SEMA3D: variants seen among roughly 807,000 people sequenced by gnomAD.
SEMA3D encodes semaphorin-3D.
Under a neutral mutation model 100.1 loss-of-function variants are expected in SEMA3D, and 84 were observed. The ratio of observed to expected loss-of-function variants is 0.84; its 90% CI spans 0.70 to 1.01. The LOEUF (loss-of-function observed/expected upper bound fraction) is 1.01. Ranked by LOEUF, SEMA3D falls within the 50% of genes least tolerant of loss-of-function variation. The pLI, the probability that SEMA3D is intolerant of heterozygous loss-of-function variation, is 0.00. For missense variants in SEMA3D, 875 were observed against 934.1 expected (o/e 0.94, Z 0.82); for synonymous variants, 312 against 320.7 (o/e 0.97, Z 0.29).
intron 1 of SEMA3D, among the ~76,000 whole-genome samples, chr7:85,168,659 C>A (rs1790980941): frequency 6.8e-6 from 1 of 146,316 alleles, no homozygotes; most frequent in African/African-American, 2.5e-5. Flanking sequence ...TACTTTTGCA[C>A]CAACCTAAGA....
chr7:85,021,186 G>A (rs1360321019), intron 13 of SEMA3D, among the ~76,000 whole-genome samples: 2 of 151,504 alleles, frequency 1.3e-5, no homozygotes, highest in Non-Finnish European at 3.0e-5. Flanking sequence ...AATAACTCTG[G>A]GATCTTTAAA....
chr7:85,203,055 A>AG, the SEMA3D span, among the ~76,000 whole-genome samples: 1 of 152,234 alleles, frequency 6.6e-6, no homozygotes, highest in Non-Finnish European at 1.5e-5. Flanking sequence ...CCTGCAAAGC[A>AG]GGTTGGAAGT....
intron 4 of SEMA3D, among the ~76,000 whole-genome samples, chr7:85,087,203 A>C (rs1788244683): frequency 6.6e-6 from 1 of 152,180 alleles, no homozygotes; most frequent in African/African-American, 2.4e-5. Flanking sequence ...TTTTTCCTTC[A>C]CTTATCAAAG....
At chr7:85,236,117 G>A in the SEMA3D span, among the ~76,000 whole-genome samples, 1 of 151,796 alleles carries the variant, frequency 6.6e-6, no homozygotes, top group Admixed American at 6.6e-5. Flanking sequence ...CCCTCTAACT[G>A]GCTTTCAGAT....
At chr7:85,163,519 C>T (rs1790805206) in intron 1 of SEMA3D, among the ~76,000 whole-genome samples, 1 of 151,834 alleles carries the variant, frequency 6.6e-6, no homozygotes, top group Non-Finnish European at 1.5e-5. Flanking sequence ...AAAGAATCAA[C>T]TCTCCAACAG....
chr7:85,043,268 A>T (rs1443390032), intron 9 of SEMA3D, among the ~76,000 whole-genome samples: 1 of 152,056 alleles, frequency 6.6e-6, no homozygotes, highest in African/African-American at 2.4e-5. Flanking sequence ...CTGAAGGAGG[A>T]AGATCACTTA....
intron 2 of SEMA3D, among the ~76,000 whole-genome samples, chr7:85,131,828 T>C (rs1018255678): frequency 2.0e-5 from 3 of 151,904 alleles, no homozygotes; most frequent in Non-Finnish European, 4.4e-5. Context: ...TTCCCACACC[T>C]AGTATTTAGT....
At chr7:85,135,472 A>G (rs1789833806) in intron 2 of SEMA3D, among the ~76,000 whole-genome samples, 1 of 151,768 alleles carries the variant, frequency 6.6e-6, no homozygotes, top group South Asian at 2.1e-4. Context: ...ACTTGAACAC[A>G]GGAAGGGGAA....
At chr7:85,237,660 C>T in the SEMA3D span, among the ~76,000 whole-genome samples, 1 of 152,084 alleles carries the variant, frequency 6.6e-6, no homozygotes, top group African/African-American at 2.4e-5. Context: ...CTGATGTACC[C>T]CAATTTTTTA....
chr7:85,099,321 T>G (rs906847326), intron 3 of SEMA3D, among the ~76,000 whole-genome samples: 3 of 151,940 alleles, frequency 2.0e-5, no homozygotes, highest in Non-Finnish European at 4.4e-5. Context: ...TGAGAGCTGA[T>G]GGTTTTATAA....
intron 12 of SEMA3D, among the ~76,000 whole-genome samples, chr7:85,034,329 G>A (rs1266246685): frequency 1.3e-5 from 2 of 152,136 alleles, no homozygotes; most frequent in East Asian, 1.9e-4. Flanking sequence ...GACCTAGGCC[G>A]GGCATGGTGG....
the SEMA3D span, among the ~76,000 whole-genome samples, chr7:85,235,545 G>A: frequency 4.7e-4 from 71 of 152,230 alleles, no homozygotes; most frequent in African/African-American, 1.6e-3. Context: ...CTCTGTTCAA[G>A]GGAATAATTT....
At chr7:85,031,555 C>T (rs1057210749) in intron 12 of SEMA3D, among the ~76,000 whole-genome samples, 1 of 151,892 alleles carries the variant, frequency 6.6e-6, no homozygotes, top group Non-Finnish European at 1.5e-5. Flanking sequence ...TTTGTTATCC[C>T]TTTGAAGGTA....
At chr7:85,159,844 A>G in intron 1 of SEMA3D, 1 of 984,964 alleles carries the variant, frequency 1.0e-6, no homozygotes, top group South Asian at 4.7e-5. Context: ...TCCTGCAGAT[A>G]GTAGGATTTC....
chr7:85,197,480 C>T, the SEMA3D span, among the ~76,000 whole-genome samples: 2 of 151,982 alleles, frequency 1.3e-5, no homozygotes, highest in Non-Finnish European at 2.9e-5. Context: ...CCCACCACCC[C>T]TGCTTTGAGT....
chr7:85,023,087 A>G (rs932696921), intron 12 of SEMA3D, among the ~76,000 whole-genome samples: 1 of 151,974 alleles, frequency 6.6e-6, no homozygotes, highest in Non-Finnish European at 1.5e-5. Flanking sequence ...AGTATTTAAT[A>G]GTTTGAAATT....
At chr7:85,174,529 T>A (rs970784855) in intron 1 of SEMA3D, among the ~76,000 whole-genome samples, 2 of 152,174 alleles carry the variant, frequency 1.3e-5, no homozygotes, top group African/African-American at 4.8e-5. Context: ...AAACTGCACT[T>A]ATTTTGTGCA....
intron 4 of SEMA3D, among the ~76,000 whole-genome samples, chr7:85,087,065 T>C (rs952161804): frequency 6.6e-6 from 1 of 152,238 alleles, no homozygotes; most frequent in East Asian, 1.9e-4. Flanking sequence ...TCTTACACTG[T>C]AGTGTGTCTT....
chr7:85,088,447 T>A (rs1489800661), intron 4 of SEMA3D, among the ~76,000 whole-genome samples: 7 of 152,054 alleles, frequency 4.6e-5, no homozygotes, highest in Admixed American at 2.0e-4. Context: ...AAAACCTAAT[T>A]AAAGACAAAA....
Sources: gnomAD v4.1 joint callset for allele counts (sites outside exome capture counted in the v4.1 genomes callset) on GRCh38, gnomAD v4.1.1 for gene constraint, MANE v1.5 for transcripts, NCBI Gene and HGNC (gene_info 2026-07-23, HGNC 2026-07-21) for gene names.